Variants in C6orf62 observed in about 807,000 individuals in gnomAD.
C6orf62 encodes the protein chromosome 6 open reading frame 62.
Under a neutral mutation model 26.8 loss-of-function variants are expected in C6orf62, and 16 were observed. That is an observed-to-expected ratio of 0.60 (90% CI 0.40 to 0.91). The LOEUF is 0.91. Ranked by LOEUF, C6orf62 falls within the 40% of genes least tolerant of loss-of-function variation. The pLI is 0.00. For missense variants in C6orf62, 192 were observed against 271.4 expected (o/e 0.71, Z 2.06); for synonymous variants, 112 against 91.5 (o/e 1.22, Z -1.28).
At position 24,718,517 on chromosome 6, in the gene C6orf62, CACCATTAAGAA is replaced by C. The variant is rs763963894; in HGVS notation, c.129+12_129+22del. The C allele has an allele frequency of 1.3e-6, 2 of 1,572,526 alleles. No individual in the cohort carries two copies. Among genetic ancestry groups the C allele is most frequent in the Admixed American group, 3.6e-5 (2 of 55,114 alleles). On this transcript the variant is annotated intron_variant, in intron 1 of 4. Coordinates refer to ENST00000378119, the MANE Select transcript of C6orf62 (RefSeq NM_030939.5). ...CTTACAAAAATTACTTGTGCTAATT[CACCATTAAGAA>C]CTTTAAATTACCTTCTCCTTGAATA...
intron 2 of C6orf62, among the ~76,000 whole-genome samples, chr6:24,715,450 A>G (rs1300334218): frequency 6.6e-6 from 1 of 152,254 alleles, no homozygotes; most frequent in Non-Finnish European, 1.5e-5. Context: ...TTATGAGCCT[A>G]ATACAACAAA....
upstream of C6orf62, chr6:24,719,738 A>T: frequency 6.5e-7 from 1 of 1,533,596 alleles, no homozygotes; most frequent in Non-Finnish European, 8.8e-7. Flanking sequence ...TCTTCTTGTG[A>T]GCATTGCCGA....
chr6:24,719,155 C>CAAAAAA, upstream of C6orf62: 4 of 874,730 alleles, frequency 4.6e-6, no homozygotes, highest in Non-Finnish European at 5.3e-6. Context: ...CCTTGCTTTC[C>CAAAAAA]AAAAAAAAAA....
upstream of C6orf62, chr6:24,719,981 A>C: frequency 6.5e-7 from 1 of 1,545,192 alleles, no homozygotes; most frequent in South Asian, 1.2e-5. Context: ...GAAAAAAAGA[A>C]AATAATTGTG....
At chr6:24,716,398 C>G (rs371102117) in intron 1 of C6orf62, 74 bp from the exon 2 acceptor site, 2 of 1,051,862 alleles carry the variant, frequency 1.9e-6, no homozygotes, top group African/African-American at 1.6e-5. Context: ...ATTACAATGT[C>G]ATGTAACATT....
upstream of C6orf62, chr6:24,720,321 C>T (rs1249617186): frequency 8.5e-6 from 11 of 1,291,210 alleles, no homozygotes; most frequent in South Asian, 1.5e-4. Flanking sequence ...GTAGCACGGG[C>T]AGGAGCCATG....
chr6:24,718,797 A>G lies in C6orf62; in HGVS notation c.-129T>C, dbSNP rs781710391. On this transcript the variant is annotated 5_prime_UTR_variant, in exon 1 of 5. Transcript: ENST00000378119. ...CTAATATGATTGATTAGCGAAAATC[A>G]CGACTATAACCCAAAAACTGCACCT... is the stretch of plus-strand genomic sequence containing the variant. 1.9e-6 allele frequency: 3 copies of G among 1,541,430 alleles called. No individual in the cohort carries two copies. Among genetic ancestry groups the G allele is most frequent in the Non-Finnish European group, 2.6e-6 (3 of 1,153,604 alleles).
At chr6:24,717,219 T>G (rs1036435444) in intron 1 of C6orf62, among the ~76,000 whole-genome samples, 26 of 152,214 alleles carry the variant, frequency 1.7e-4, no homozygotes, top group African/African-American at 6.3e-4. Flanking sequence ...GTTAAAGAAT[T>G]AAGATGGTGC....
Position 24,719,055 on chromosome 6 carries a change from C to A in C6orf62, c.-387G>T. On this transcript the variant is annotated 5_prime_UTR_variant, in exon 1 of 5. Transcript: ENST00000378119. ...CAGGATTTAGGTGTGCAATAAAACA[C>A]AGCTGACACCAGACCAATCCCTAAA... The A allele has an allele frequency of 9.7e-7, 1 of 1,035,738 alleles. No homozygotes were observed. Among genetic ancestry groups the A allele is most frequent in the South Asian group, 3.2e-5 (1 of 31,218 alleles). 64.2% of individuals were successfully genotyped at this position (1,035,738 alleles called of 1,614,324 possible). A position where few individuals can be genotyped will look rare whatever the true frequency, so the allele number is the denominator to read the frequency against.
Position 24,716,247 on chromosome 6 carries a change from T to C in C6orf62, c.207A>G (p.Lys69=), listed in dbSNP as rs751222464. Residue 69 remains lysine (K), a synonymous_variant, in exon 2 of 5, where the codon AAA becomes AAG. Coordinates refer to ENST00000378119, the MANE Select transcript of C6orf62 (RefSeq NM_030939.5). ...AGGAATAGCTGGAATCTCGCACACC[T>C]TTCAGGATATTTTCTTCATAATTAT... ...MTNNYEENIL[K]GVRDSSYSLE... is the part of the protein sequence containing the mutation. The C allele has an allele frequency of 8.1e-6, 13 of 1,613,542 alleles. No homozygotes were observed. The African/African-American group carries it at 1.6e-4, about 20-fold the overall frequency.
chr6:24,719,089 G>C lies in C6orf62; in HGVS notation c.-421C>G. ...CCAGACCAATCCCTAAAATCCATCC[G>C]GATTTTCCCCCCTTTTTAGAAAAGG... On this transcript the variant is annotated 5_prime_UTR_variant, in exon 1 of 5. Coordinates refer to ENST00000378119, the MANE Select transcript of C6orf62 (RefSeq NM_030939.5). 3.0e-6 allele frequency: 3 copies of C among 988,526 alleles called. No homozygotes were observed. The highest frequency in any genetic ancestry group is 3.6e-6 in the Non-Finnish European group (3 of 832,880). 61.2% of individuals were successfully genotyped at this position (988,526 alleles called of 1,614,324 possible).
chr6:24,708,889 C>A lies in C6orf62; in HGVS notation c.452G>T (p.Gly151Val). ...PVQAKFEFHH[G>V]DYEKQFLHVL... ...ATGCAGAAACTGTTTTTCATAGTCA[C>A]CATGATGAAACTCAAATTTGGCCTA... Residue 151 changes from glycine (G) to valine (V), a missense_variant, in exon 4 of 5, where the codon GGT becomes GTT. Gly to Val is a moderately radical substitution (Grantham distance 109). Coordinates refer to ENST00000378119, the MANE Select transcript of C6orf62 (RefSeq NM_030939.5). 12 of 1,613,970 alleles carry A rather than the reference C, an allele frequency of 7.4e-6. 1 individual carries two copies. The highest frequency in any genetic ancestry group is 6.7e-5 in the African/African-American group (5 of 75,000).
Position 24,714,343 on chromosome 6 carries a change from G to C in C6orf62, c.404C>G (p.Ser135Cys), listed in dbSNP as rs1430786153. 3 of 1,610,486 alleles carry C rather than the reference G, an allele frequency of 1.9e-6. No individual in the cohort carries two copies. The highest frequency in any genetic ancestry group is 2.2e-5 in the East Asian group (1 of 44,786). The change falls in exon 3 of 5, where the codon TCT (serine) becomes TGT (cysteine). Residue 135 changes from serine (S) to cysteine (C), a missense_variant. Physicochemically the swap from Ser to Cys is moderately radical, Grantham distance 112. Coordinates refer to ENST00000378119, the MANE Select transcript of C6orf62 (RefSeq NM_030939.5). ...CTGAACAGGCCTAAAAGGCTCATCA[G>C]ATTCTTTCCACCTAGAAAACAGGAG... The part of the protein sequence containing the change: ...VCLLFSRWKE[S>C]DEPFRPVQAK...
At chr6:24,720,011 A>AGGGGGGGGGG, upstream of C6orf62, 1 of 1,502,164 alleles carries the variant, frequency 6.7e-7, no homozygotes, top group Non-Finnish European at 8.9e-7. Flanking sequence ...CTTCTAAAGT[A>AGGGGGGGGGG]AGCCCACCCA....
At chr6:24,719,558 G>A (rs1007747340), upstream of C6orf62, 18 of 1,214,760 alleles carry the variant, frequency 1.5e-5, no homozygotes, top group African/African-American at 7.9e-5. Context: ...GAATCATGAC[G>A]GCAGAAGGAA....
chr6:24,716,326 TAGA>T lies in C6orf62; in HGVS notation c.130-5_130-3del. ...TTCAAAAAGTGCTGACTTTTTCTTC[TAGA>T]AGAAAAGAAAATGGTGTATTAACCC... On this transcript the variant is annotated splice_region_variant and splice_polypyrimidine_tract_variant and intron_variant, in intron 1 of 4. Coordinates refer to ENST00000378119, the MANE Select transcript of C6orf62 (RefSeq NM_030939.5). The T allele has an allele frequency of 6.2e-7, 1 of 1,611,854 alleles. No homozygotes were observed. Among genetic ancestry groups the T allele is most frequent in the East Asian group, 2.2e-5 (1 of 44,864 alleles).
chr6:24,711,239 TACACACACAC>T (rs143267331), intron 3 of C6orf62, among the ~76,000 whole-genome samples: 70 of 138,756 alleles, frequency 5.0e-4, no homozygotes, highest in Non-Finnish European at 4.5e-5. Flanking sequence ...AAAGAAATGG[TACACACACAC>T]ACACACAAAC....
upstream of C6orf62, chr6:24,720,090 T>G: frequency 7.7e-7 from 1 of 1,298,952 alleles, no homozygotes; most frequent in Non-Finnish European, 9.8e-7. Context: ...GTTTCCAGAG[T>G]TTGGATTGTT....
chr6:24,713,929 A>G (rs571752456), intron 3 of C6orf62, among the ~76,000 whole-genome samples: 1 of 152,332 alleles, frequency 6.6e-6, no homozygotes, highest in South Asian at 2.1e-4. Flanking sequence ...CTTCTACAAA[A>G]TGATTTCTTC....
Sources: allele counts gnomAD v4.1 joint callset (sites outside exome capture counted in the v4.1 genomes callset), GRCh38; gene constraint gnomAD v4.1.1; transcripts MANE v1.5; gene names NCBI Gene and HGNC (gene_info 2026-07-23, HGNC 2026-07-21).